Variants in SLC35B2 observed in about 807,000 individuals in gnomAD.
SLC35B2 encodes the protein solute carrier family 35 member B2.
A neutral mutation model predicts 37.9 loss-of-function variants in SLC35B2; 19 were observed. The ratio of observed to expected loss-of-function variants is 0.50; its 90% CI spans 0.35 to 0.74. The LOEUF (loss-of-function observed/expected upper bound fraction) is 0.74. SLC35B2 is among the 30% of genes least tolerant of loss of function. SLC35B2 has a pLI of 0.01. For synonymous variants in SLC35B2, 277 were observed against 225.2 expected (o/e 1.23, Z -2.06); for missense variants, 633 against 547.6 (o/e 1.16, Z -1.56).
chr6:44,255,591 A>G lies in SLC35B2; in HGVS notation c.414T>C (p.Tyr138=). The change falls in exon 4 of 4, where the codon TAT becomes TAC. Residue 138 remains tyrosine (Y), a synonymous_variant. Transcript: ENST00000393812. ...CACCCGGTGATGTGGCTGTGGCCCC[A>G]TAGCTGCGGGTCATCACTCTTTCCT... The part of the protein sequence containing the change: ...VLQERVMTRS[Y]GATATSPGER... 2 of 1,614,168 alleles carry G rather than the reference A, an allele frequency of 1.2e-6. No homozygotes were observed. Among genetic ancestry groups the G allele is most frequent in the Non-Finnish European group, 1.7e-6 (2 of 1,180,024 alleles).
chr6:44,254,586 G>A lies in SLC35B2; in HGVS notation c.*120C>T, dbSNP rs949920601. 2.6e-6 allele frequency: 3 copies of A among 1,158,136 alleles called. No individual in the cohort carries two copies. The East Asian group carries it at 7.1e-5, about 28-fold the overall frequency. 71.7% of individuals were successfully genotyped at this position (1,158,136 alleles called of 1,614,324 possible). On this transcript the variant is annotated 3_prime_UTR_variant, in exon 4 of 4. Coordinates refer to ENST00000393812, the MANE Select transcript of SLC35B2 (RefSeq NM_178148.4). ...TCCCCAATCCCCTGCTGCAGAGCTGGTCTGTGATACTGAGAAAACACCTGC... is the reference window on the plus strand; with the variant it reads ...TCCCCAATCCCCTGCTGCAGAGCTGATCTGTGATACTGAGAAAACACCTGC...
Position 44,254,278 on chromosome 6 carries a change from C to T in SLC35B2, c.*428G>A, listed in dbSNP as rs370093607. The T allele has an allele frequency of 4.5e-5, 9 of 200,340 alleles. No homozygotes were observed. The South Asian group carries it at 6.5e-4, about 14-fold the overall frequency. The allele number at this position is 200,340 out of a possible 1,614,324, so 12.4% of individuals were successfully genotyped here. On this transcript the variant is annotated 3_prime_UTR_variant, in exon 4 of 4. Coordinates refer to ENST00000393812, the MANE Select transcript of SLC35B2 (RefSeq NM_178148.4). ...TTCCTCAGCACAGCACCATCTTCACCCTCCTGGGAAAGCAGCATTGGAGCC... is the reference window on the plus strand; with the variant it reads ...TTCCTCAGCACAGCACCATCTTCACTCTCCTGGGAAAGCAGCATTGGAGCC...
At position 44,256,507 on chromosome 6, in the gene SLC35B2, C is replaced by G. The variant is rs1448910200; in HGVS notation, c.206-11G>C. ...AGCAGAGGCCCCTACCTGAAGAAAG[C>G]ACACAAAGTCAAGCCCCAAATCTTC... On this transcript the variant is annotated splice_polypyrimidine_tract_variant and intron_variant, in intron 2 of 3. Coordinates refer to ENST00000393812, the MANE Select transcript of SLC35B2 (RefSeq NM_178148.4). 1.2e-6 allele frequency: 2 copies of G among 1,613,868 alleles called. No individual in the cohort carries two copies. Among genetic ancestry groups the G allele is most frequent in the Non-Finnish European group, 1.7e-6 (2 of 1,179,886 alleles).
rs1561908201 is a variant in SLC35B2, at chr6:44,255,162, A to G, written c.843T>C (p.Phe281=). Residue 281 remains phenylalanine, a synonymous_variant, in exon 4 of 4, where the codon TTT becomes TTC. Coordinates refer to ENST00000393812, the MANE Select transcript of SLC35B2 (RefSeq NM_178148.4). ...GLILLAGYIA[F]DSFTSNWQDA... ...CCTGCCAGTTTGAGGTGAAGCTGTCAAAAGCAATATAACCTGCCAGTAAGA... is the reference window on the plus strand; with the variant it reads ...CCTGCCAGTTTGAGGTGAAGCTGTCGAAAGCAATATAACCTGCCAGTAAGA... 1 of 1,614,260 alleles carries G rather than the reference A, an allele frequency of 6.2e-7. No homozygotes were observed. Among genetic ancestry groups the G allele is most frequent in the Non-Finnish European group, 8.5e-7 (1 of 1,180,040 alleles).
Position 44,254,641 on chromosome 6 carries a change from G to GGTTA in SLC35B2, c.*61_*64dup. 6.6e-7 allele frequency: 1 copy of GGTTA among 1,522,648 alleles called. No homozygotes were observed. The allele number at this position is 1,522,648 out of a possible 1,614,324, so 94.3% of individuals were successfully genotyped here. A position where few individuals can be genotyped will look rare whatever the true frequency, so the allele number is the denominator to read the frequency against. On this transcript the variant is annotated 3_prime_UTR_variant, in exon 4 of 4. Transcript: ENST00000393812. ...TGCCCTTTCAGCCAGCTCCCTCAGAGGTTACAGCAGAAGGGGATGGTGGGA... is the reference window on the plus strand; with the variant it reads ...TGCCCTTTCAGCCAGCTCCCTCAGAGGTTAGTTACAGCAGAAGGGGATGGTGGGA...
chr6:44,254,692 G>C lies in SLC35B2; in HGVS notation c.*14C>G. The C allele has an allele frequency of 6.3e-7, 1 of 1,597,804 alleles. No homozygotes were observed. Among genetic ancestry groups the C allele is most frequent in the Non-Finnish European group, 8.6e-7 (1 of 1,169,476 alleles). On this transcript the variant is annotated 3_prime_UTR_variant, in exon 4 of 4. Transcript: ENST00000393812. ...GGGTCCTATTTCACTTCACCCCTCA[G>C]GCCCTTTCCACCCTCAAACCTTCTG...
chr6:44,254,902 G>A lies in SLC35B2; in HGVS notation c.1103C>T (p.Thr368Ile). 1.2e-6 allele frequency: 2 copies of A among 1,614,208 alleles called. No individual in the cohort carries two copies. Among genetic ancestry groups the A allele is most frequent in the African/African-American group, 1.3e-5 (1 of 75,060 alleles). ...TIGQFGAAVF[T>I]IIMTLRQAFA... ...GGCCTGGCGGAGGGTCATGATGATGGTGAAGACGGCAGCCCCAAACTGCCC... is the reference window on the plus strand; with the variant it reads ...GGCCTGGCGGAGGGTCATGATGATGATGAAGACGGCAGCCCCAAACTGCCC... The change falls in exon 4 of 4, where the codon ACC becomes ATC. Residue 368 changes from threonine (T) to isoleucine (I), a missense_variant. Transcript: ENST00000393812.
Position 44,255,180 on chromosome 6 carries a change from C to T in SLC35B2, c.825G>A (p.Leu275=), listed in dbSNP as rs1307635120. 1.9e-6 allele frequency: 3 copies of T among 1,614,100 alleles called. No individual in the cohort carries two copies. Among genetic ancestry groups the T allele is most frequent in the Non-Finnish European group, 2.5e-6 (3 of 1,180,036 alleles). Residue 275 remains leucine, a synonymous_variant, in exon 4 of 4, where the codon CTG becomes CTA. Coordinates refer to ENST00000393812, the MANE Select transcript of SLC35B2 (RefSeq NM_178148.4). ...AGCTGTCAAAAGCAATATAACCTGC[C>T]AGTAAGATGAGGCCTGAGAGTGTGG... The part of the protein sequence containing the change: ...PATTLSGLIL[L]AGYIAFDSFT...
chr6:44,254,201 G>T lies in SLC35B2; in HGVS notation c.*505C>A, dbSNP rs773981740. ...CAACAGGCTCATGGAACAGAGCCTA[G>T]GGATCCAGGAGCATAGGAGGTGGTG... On this transcript the variant is annotated 3_prime_UTR_variant, in exon 4 of 4. Coordinates refer to ENST00000393812, the MANE Select transcript of SLC35B2 (RefSeq NM_178148.4). The T allele has an allele frequency of 9.6e-6, 2 of 208,800 alleles. No individual in the cohort carries two copies. The highest frequency in any genetic ancestry group is 4.7e-4 in the Middle Eastern group (1 of 2,108). The allele number at this position is 208,800 out of a possible 1,614,324, so 12.9% of individuals were successfully genotyped here.
At position 44,256,345 on chromosome 6, in the gene SLC35B2, G is replaced by A; in HGVS notation, c.357C>T (p.Leu119=). The change falls in exon 3 of 4, where the codon CTC becomes CTT. Residue 119 remains leucine, a synonymous_variant. Transcript: ENST00000393812. ...ALKLLFCATG[L]QVSYLTWGVL... is the part of the protein sequence containing the mutation. The stretch of plus-strand genomic sequence containing the variant: ...GAGGCTGAGCCCACCTACCCACCTG[G>A]AGCCCTGTGGCACAGAAGAGCAGCT... The A allele has an allele frequency of 6.2e-7, 1 of 1,607,988 alleles. No individual in the cohort carries two copies. The highest frequency in any genetic ancestry group is 1.3e-5 in the African/African-American group (1 of 74,590).
intron 3 of SLC35B2, 66 bp from the exon 4 acceptor site, chr6:44,255,710 C>A: frequency 6.9e-7 from 1 of 1,455,168 alleles, no homozygotes. Flanking sequence ...CAAAAATTGA[C>A]CTCTCTCTCT....
chr6:44,257,324 G>C, intron 1 of SLC35B2, 76 bp downstream of exon 1: 1 of 1,309,542 alleles, frequency 7.6e-7, no homozygotes, highest in South Asian at 2.1e-5. Flanking sequence ...ACCCCACCCG[G>C]CCCCCGTGCT....
Position 44,257,463 on chromosome 6 carries a change from C to T in SLC35B2, c.-53G>A. ...AACCGGGGAATGCGAGTCCCCGGGC[C>T]GCGCGCCCCCTGCGCTCCCGCCGCC... On this transcript the variant is annotated 5_prime_UTR_variant, in exon 1 of 4. Transcript: ENST00000393812. 1 of 1,242,170 alleles carries T rather than the reference C, an allele frequency of 8.1e-7. No homozygotes were observed. The allele number at this position is 1,242,170 out of a possible 1,614,324, so 76.9% of individuals were successfully genotyped here. A position where few individuals can be genotyped will look rare whatever the true frequency, so the allele number is the denominator to read the frequency against.
chr6:44,254,500 G>A lies in SLC35B2; in HGVS notation c.*206C>T. 15 of 606,004 alleles carry A rather than the reference G, an allele frequency of 2.5e-5. No individual in the cohort carries two copies. In the South Asian group the frequency reaches 3.3e-4, roughly 13 times the overall value. The allele number at this position is 606,004 out of a possible 1,614,324, so 37.5% of individuals were successfully genotyped here. A position where few individuals can be genotyped will look rare whatever the true frequency, so the allele number is the denominator to read the frequency against. On this transcript the variant is annotated 3_prime_UTR_variant, in exon 4 of 4. Coordinates refer to ENST00000393812, the MANE Select transcript of SLC35B2 (RefSeq NM_178148.4). ...GAGGACTGTCTACCCCCGGGGCTCA[G>A]AATAAACTGCTTACTGGAAGATGGG...
In SLC35B2 at chr6:44,254,862, A is replaced by G. The variant is rs963934077; in HGVS notation, c.1143T>C (p.Leu381=). Residue 381 remains leucine, a synonymous_variant, in exon 4 of 4, where the codon CTT becomes CTC. Coordinates refer to ENST00000393812, the MANE Select transcript of SLC35B2 (RefSeq NM_178148.4). ...MTLRQAFAIL[L]SCLLYGHTVT... ...CAGTGTGGCCATAGAGAAGGCAGGA[A>G]AGAAGGATGGCAAAGGCCTGGCGGA... is the stretch of plus-strand genomic sequence containing the variant. 2.5e-6 allele frequency: 4 copies of G among 1,614,080 alleles called. No homozygotes were observed. The highest frequency in any genetic ancestry group is 3.4e-6 in the Non-Finnish European group (4 of 1,180,040).
Position 44,256,490 on chromosome 6 carries a change from C to A in SLC35B2, c.212G>T (p.Gly71Val), listed in dbSNP as rs1046368058. 1 of 1,614,034 alleles carries A rather than the reference C, an allele frequency of 6.2e-7. No homozygotes were observed. The highest frequency in any genetic ancestry group is 2.2e-5 in the East Asian group (1 of 44,894). ...AGCTTTCACCAGGGGAAAGCAGAGG[C>A]CCCTACCTGAAGAAAGCACACAAAG... Reference protein sequence around the residue: ...RRKNYLETGRGLCFPLVKACV... With the variant: ...RRKNYLETGRVLCFPLVKACV... The change falls in exon 3 of 4, where the codon GGC (glycine) becomes GTC (valine). Residue 71 changes from glycine (G) to valine (V), a missense_variant. Gly to Val is a moderately radical substitution (Grantham distance 109, BLOSUM62 -3). Transcript: ENST00000393812.
In SLC35B2 at chr6:44,255,452, G is replaced by A. The variant is rs745938537; in HGVS notation, c.553C>T (p.Arg185Trp). ...TTGGACAGGCTGGCAAAGGAGTACC[G>A]GTACATGGGTGCCCCATGCCGGGGC... ...KQPRHGAPMYRYSFASLSNVL... is the reference protein window; with the variant it reads ...KQPRHGAPMYWYSFASLSNVL... The change falls in exon 4 of 4, where the codon CGG becomes TGG. Residue 185 changes from arginine to tryptophan, a missense_variant. Transcript: ENST00000393812. The A allele has an allele frequency of 9.3e-6, 15 of 1,614,094 alleles. No individual in the cohort carries two copies. Among genetic ancestry groups the A allele is most frequent in the East Asian group, 6.7e-5 (3 of 44,896 alleles).
In SLC35B2 at chr6:44,254,937, A is replaced by G. The variant is rs1344306763; in HGVS notation, c.1068T>C (p.Phe356=). The G allele has an allele frequency of 2.5e-6, 4 of 1,614,170 alleles. No homozygotes were observed. Among genetic ancestry groups the G allele is most frequent in the Non-Finnish European group, 3.4e-6 (4 of 1,180,034 alleles). The change falls in exon 4 of 4, where the codon TTT becomes TTC. Residue 356 remains phenylalanine, a synonymous_variant. Transcript: ENST00000393812. The part of the protein sequence containing the change: ...ICSACGQLFI[F]YTIGQFGAAV... The stretch of plus-strand genomic sequence containing the variant: ...CAGCCCCAAACTGCCCAATGGTGTA[A>G]AAGATGAAGAGCTGGCCACATGCGG...
Position 44,256,862 on chromosome 6 carries a change from C to A in SLC35B2, c.28G>T (p.Val10Leu), listed in dbSNP as rs200851761. Residue 10 changes from valine to leucine, a missense_variant, in exon 2 of 4, where the codon GTG becomes TTG. By Grantham distance (32) the Val-to-Leu change is conservative (BLOSUM62 1). Coordinates refer to ENST00000393812, the MANE Select transcript of SLC35B2 (RefSeq NM_178148.4). ...CCTAGGGAGGGGAACGCAGCCAGCA[C>A]CACCACTGCCCACCATCTGTAAGGA... is the stretch of plus-strand genomic sequence containing the variant. MDARWWAVV[V>L]LAAFPSLGAG... 6.2e-7 allele frequency: 1 copy of A among 1,606,562 alleles called. No individual in the cohort carries two copies.
Sources: gnomAD v4.1 joint callset for allele counts on GRCh38, gnomAD v4.1.1 for gene constraint, MANE v1.5 for transcripts, NCBI Gene and HGNC (gene_info 2026-07-23, HGNC 2026-07-21) for gene names.